SLC17A7: variants seen among roughly 807,000 people sequenced by gnomAD.
SLC17A7 encodes the protein vesicular glutamate transporter 1.
SLC17A7 carries 15 observed loss-of-function variants against 59.1 expected under a neutral mutation model. The observed-to-expected ratio is 0.25, with a 90% CI of 0.17 to 0.39. The LOEUF is 0.39. Ranked by LOEUF, SLC17A7 falls within the 10% of genes least tolerant of loss-of-function variation. SLC17A7 has a pLI of 1.00. For synonymous variants in SLC17A7, 353 were observed against 308.9 expected (o/e 1.14, Z -1.50); for missense variants, 499 against 765.1 (o/e 0.65, Z 4.10).
In SLC17A7 at chr19:49,432,656, G is replaced by A. The variant is rs1414627956; in HGVS notation, c.1018-5C>T. On this transcript the variant is annotated splice_region_variant and splice_polypyrimidine_tract_variant and intron_variant, in intron 8 of 11. Coordinates refer to ENST00000221485, the MANE Select transcript of SLC17A7 (RefSeq NM_020309.4). ...CAGCGCGGACACCAGGCCTACCTGC[G>A]GGAACAGGTGTACAGGGACACTAGG... 7 of 1,531,744 alleles carry A rather than the reference G, an allele frequency of 4.6e-6. No homozygotes were observed. The highest frequency in any genetic ancestry group is 6.1e-6 in the Non-Finnish European group (7 of 1,148,252). The allele number at this position is 1,531,744 out of a possible 1,614,324, so 94.9% of individuals were successfully genotyped here. A position where few individuals can be genotyped will look rare whatever the true frequency, so the allele number is the denominator to read the frequency against.
Position 49,430,656 on chromosome 19 carries a change from G to A in SLC17A7, c.1546C>T (p.Leu516=). The change falls in exon 12 of 12, where the codon CTG becomes TTG. Residue 516 remains leucine, a synonymous_variant. Coordinates refer to ENST00000221485, the MANE Select transcript of SLC17A7 (RefSeq NM_020309.4). ...EKCGFVGHDQ[L]AGSDDSEMED... is the part of the protein sequence containing the mutation. ...ATTTCGCTGTCGTCACTGCCAGCCAGCTGGTCATGGCCAACGAAGCCACAC... is the reference window on the plus strand; with the variant it reads ...ATTTCGCTGTCGTCACTGCCAGCCAACTGGTCATGGCCAACGAAGCCACAC... 1 of 1,614,130 alleles carries A rather than the reference G, an allele frequency of 6.2e-7. No individual in the cohort carries two copies. Among genetic ancestry groups the A allele is most frequent in the South Asian group, 1.1e-5 (1 of 91,084 alleles).
In SLC17A7 at chr19:49,432,558, T is replaced by G. The variant is rs758382086; in HGVS notation, c.1111A>C (p.Met371Leu). ...IADFLRSRRI[M>L]STTNVRKLMN... The stretch of plus-strand genomic sequence containing the variant: ...AACTTGCGCACGTTGGTGGTGGACA[T>G]GATGCGGCGGCTCCGCAGGAAGTCC... Residue 371 changes from methionine to leucine, a missense_variant, in exon 9 of 12, where the codon ATG becomes CTG. Met to Leu is a conservative substitution (Grantham distance 15, BLOSUM62 2). Coordinates refer to ENST00000221485, the MANE Select transcript of SLC17A7 (RefSeq NM_020309.4). The G allele has an allele frequency of 5.6e-6, 9 of 1,613,404 alleles. No individual in the cohort carries two copies. Among genetic ancestry groups the G allele is most frequent in the South Asian group, 1.1e-5 (1 of 90,996 alleles).
Position 49,435,254 on chromosome 19 carries a change from G to A in SLC17A7, c.348C>T (p.Val116=), listed in dbSNP as rs1265561490. The A allele has an allele frequency of 2.5e-6, 4 of 1,614,038 alleles. No individual in the cohort carries two copies. The highest frequency in any genetic ancestry group is 3.4e-6 in the Non-Finnish European group (4 of 1,179,966). The change falls in exon 3 of 12, where the codon GTC becomes GTT. Residue 116 remains valine, a synonymous_variant. Transcript: ENST00000221485. ...KAQFSWDPET[V]GLIHGSFFWG... ...AGAAAAAGGAGCCGTGTATGAGGCC[G>A]ACAGTCTCTGGATCCCAGCTGAACT... is the stretch of plus-strand genomic sequence containing the variant.
At chr19:49,432,076 G>A (rs1199476571) in intron 9 of SLC17A7, among the ~76,000 whole-genome samples, 1 of 152,116 alleles carries the variant, frequency 6.6e-6, no homozygotes, top group Non-Finnish European at 1.5e-5. Flanking sequence ...TCCCTTCTCA[G>A]CCTCCCAAGT....
At position 49,433,623 on chromosome 19, in the gene SLC17A7, C is replaced by T. The variant is rs778302628; in HGVS notation, c.867+103G>A. On this transcript the variant is annotated intron_variant, in intron 7 of 11. Transcript: ENST00000221485. This position sits in a 1 kb window ranked among gnomAD's most constrained non-coding sequence, Gnocchi z 5.7. Reference sequence around the variant, plus strand: ...AGCCCCTCTCTTTGCGTTCCAGTCCCGTCTCCTCTAGAGTCTGCAGGAACC... The same window carrying T: ...AGCCCCTCTCTTTGCGTTCCAGTCCTGTCTCCTCTAGAGTCTGCAGGAACC... 2 of 1,527,362 alleles carry T rather than the reference C, an allele frequency of 1.3e-6. No homozygotes were observed. The highest frequency in any genetic ancestry group is 4.6e-5 in the East Asian group (2 of 43,350). The allele number at this position is 1,527,362 out of a possible 1,614,324, so 94.6% of individuals were successfully genotyped here. A position where few individuals can be genotyped will look rare whatever the true frequency, so the allele number is the denominator to read the frequency against.
chr19:49,431,504 G>T lies in SLC17A7; in HGVS notation c.1151-56C>A. 6.8e-7 allele frequency: 1 copy of T among 1,464,248 alleles called. No individual in the cohort carries two copies. The highest frequency in any genetic ancestry group is 9.5e-7 in the Non-Finnish European group (1 of 1,052,908). 90.7% of individuals were successfully genotyped at this position (1,464,248 alleles called of 1,614,324 possible). On this transcript the variant is annotated intron_variant, in intron 9 of 11. Coordinates refer to ENST00000221485, the MANE Select transcript of SLC17A7 (RefSeq NM_020309.4). The surrounding 1 kb of genome is among the most constrained non-coding windows in gnomAD (Gnocchi z 4.6). ...GAGTGTCGGCCGGAGCAAGGCGCAG[G>T]CTGCCCCACACCGCCCTTCCAGACC...
In SLC17A7 at chr19:49,431,177, G is replaced by T. The variant is rs749233541; in HGVS notation, c.1262-35C>A. 6.2e-7 allele frequency: 1 copy of T among 1,600,536 alleles called. No individual in the cohort carries two copies. The highest frequency in any genetic ancestry group is 8.5e-7 in the Non-Finnish European group (1 of 1,171,612). On this transcript the variant is annotated intron_variant, in intron 10 of 11. Coordinates refer to ENST00000221485, the MANE Select transcript of SLC17A7 (RefSeq NM_020309.4). This position sits in a 1 kb window ranked among gnomAD's most constrained non-coding sequence, Gnocchi z 4.6. ...AGACAAGTCGGAAGGCGTCACACCG[G>T]AATCTCACTCGAGTGATTCCCACTG...
In SLC17A7 at chr19:49,433,193, G is replaced by C. The variant is rs773317091; in HGVS notation, c.868-233C>G. The C allele has an allele frequency of 5.3e-6, 3 of 565,196 alleles. No individual in the cohort carries two copies. The highest frequency in any genetic ancestry group is 9.3e-6 in the Non-Finnish European group (3 of 321,262). The allele number at this position is 565,196 out of a possible 1,614,324, so 35.0% of individuals were successfully genotyped here. Reference sequence around the variant, plus strand: ...TCCTGGCCCTATGGTAGCCTCTCAGGTCCGCAGGTGTCCGGGCCCCTCAGG... The same window carrying C: ...TCCTGGCCCTATGGTAGCCTCTCAGCTCCGCAGGTGTCCGGGCCCCTCAGG... On this transcript the variant is annotated intron_variant, in intron 7 of 11. Transcript: ENST00000221485. The surrounding 1 kb of genome is among the most constrained non-coding windows in gnomAD (Gnocchi z 5.7).
intron 1 of SLC17A7, chr19:49,438,133 A>G (rs2078987020): frequency 6.6e-6 from 1 of 151,954 alleles, no homozygotes; most frequent in East Asian, 1.9e-4. Flanking sequence ...AGAGACCCAG[A>G]GAGAGGGAGA....
chr19:49,430,714 C>T lies in SLC17A7; in HGVS notation c.1488G>A (p.Pro496=), dbSNP rs2122290883. The change falls in exon 12 of 12, where the codon CCG becomes CCA. Residue 496 remains proline (P), a synonymous_variant. Coordinates refer to ENST00000221485, the MANE Select transcript of SLC17A7 (RefSeq NM_020309.4). ...CGCTCATCTCCTCAGGCTCTGCCCA[C>T]GGCTGCTTCTCTCCAGAAGCAAAGA... ...YGVFASGEKQ[P]WAEPEEMSEE... The T allele has an allele frequency of 1.2e-6, 2 of 1,614,150 alleles. No individual in the cohort carries two copies. The highest frequency in any genetic ancestry group is 2.2e-5 in the East Asian group (1 of 44,874).
chr19:49,436,896 T>A lies in SLC17A7; in HGVS notation c.63-95A>T, dbSNP rs994836736. On this transcript the variant is annotated intron_variant, in intron 1 of 11. Coordinates refer to ENST00000221485, the MANE Select transcript of SLC17A7 (RefSeq NM_020309.4). This position sits in a 1 kb window ranked among gnomAD's most constrained non-coding sequence, Gnocchi z 4.1. ...CCAGGGCAAAACCTGCTTTTCAACA[T>A]CCAGAATTCTAAGCCCGCACCTCCT... 6.8e-7 allele frequency: 1 copy of A among 1,465,190 alleles called. No individual in the cohort carries two copies. The highest frequency in any genetic ancestry group is 2.1e-4 in the Middle Eastern group (1 of 4,716). The allele number at this position is 1,465,190 out of a possible 1,614,324, so 90.8% of individuals were successfully genotyped here.
At chr19:49,438,818 C>T (rs1405428296) in intron 1 of SLC17A7, among the ~76,000 whole-genome samples, 2 of 152,092 alleles carry the variant, frequency 1.3e-5, no homozygotes, top group African/African-American at 4.8e-5. Flanking sequence ...GATTGCAGCC[C>T]CTGATGTGAG....
intron 3 of SLC17A7, 28 bp downstream of exon 3, chr19:49,435,140 C>T: frequency 6.6e-7 from 1 of 1,522,642 alleles, no homozygotes; most frequent in African/African-American, 1.4e-5. Flanking sequence ...CTGTAGTTAC[C>T]GCCCACTTTG....
intron 5 of SLC17A7, 135 bp from the exon 6 acceptor site, chr19:49,434,181 G>A: frequency 1.5e-6 from 1 of 655,050 alleles, no homozygotes; most frequent in Non-Finnish European, 2.7e-6. Context: ...CAGGAATCCA[G>A]GCCTAGCCCC....
intron 1 of SLC17A7, 78 bp downstream of exon 1, chr19:49,441,240 G>A: frequency 6.4e-7 from 1 of 1,557,182 alleles, no homozygotes; most frequent in Non-Finnish European, 8.7e-7. Context: ...CCGTTCATCT[G>A]TCAGTCTGCG....
At position 49,430,321 on chromosome 19, in the gene SLC17A7, A is replaced by T; in HGVS notation, c.*198T>A. ...TTTAGGGGAATTTGGGTATCCTTGAAACTGTCAGTCTGCAGCTTCACTACC... is the reference window on the plus strand; with the variant it reads ...TTTAGGGGAATTTGGGTATCCTTGATACTGTCAGTCTGCAGCTTCACTACC... On this transcript the variant is annotated 3_prime_UTR_variant, in exon 12 of 12. Coordinates refer to ENST00000221485, the MANE Select transcript of SLC17A7 (RefSeq NM_020309.4). The T allele has an allele frequency of 2.0e-6, 1 of 512,680 alleles. No homozygotes were observed. The highest frequency in any genetic ancestry group is 3.4e-6 in the Non-Finnish European group (1 of 292,084). The allele number at this position is 512,680 out of a possible 1,614,324, so 31.8% of individuals were successfully genotyped here.
rs1240421547 is a variant in SLC17A7 at position 49,441,442 on chromosome 19, C to G, written c.-63G>C. 8.5e-6 allele frequency: 11 copies of G among 1,300,954 alleles called. No homozygotes were observed. The highest frequency in any genetic ancestry group is 1.1e-5 in the Non-Finnish European group (11 of 1,028,044). 80.6% of individuals were successfully genotyped at this position (1,300,954 alleles called of 1,614,324 possible). ...CCCCGCCGATCCCCCCGCCCGCGGG[C>G]CCGGGCGGCCGCGTCCGGGTTCCCG... On this transcript the variant is annotated 5_prime_UTR_variant, in exon 1 of 12. Coordinates refer to ENST00000221485, the MANE Select transcript of SLC17A7 (RefSeq NM_020309.4).
intron 1 of SLC17A7, among the ~76,000 whole-genome samples, chr19:49,440,558 A>C (rs1163600356): frequency 1.3e-5 from 2 of 152,102 alleles, no homozygotes; most frequent in Admixed American, 6.5e-5. Flanking sequence ...CAGGAGCCGA[A>C]ATTTTTGGCC....
In SLC17A7 at chr19:49,434,867, A is replaced by G; in HGVS notation, c.450T>C (p.Ala150=). Residue 150 remains alanine, a synonymous_variant, in exon 4 of 12, where the codon GCT becomes GCC. Coordinates refer to ENST00000221485, the MANE Select transcript of SLC17A7 (RefSeq NM_020309.4). ...TGTTTAGAGTGGATGTTGCCACAAT[A>G]GCAAAGCCGAAAACTCTGATGGGAA... ...KFAANRVFGF[A]IVATSTLNML... The G allele has an allele frequency of 2.5e-6, 4 of 1,613,678 alleles. No individual in the cohort carries two copies. The highest frequency in any genetic ancestry group is 3.4e-6 in the Non-Finnish European group (4 of 1,179,778).
Sources: allele counts gnomAD v4.1 joint callset (sites outside exome capture counted in the v4.1 genomes callset), GRCh38; gene constraint gnomAD v4.1.1; non-coding constraint Gnocchi (gnomAD v3.1); transcripts MANE v1.5; gene names NCBI Gene and HGNC (gene_info 2026-07-23, HGNC 2026-07-21).